The following CSTF3 variants were observed in gnomAD, a reference collection of about 807,000 sequenced individuals.
CSTF3 encodes CF-1 77 kDa subunit.
In CSTF3, 29 loss-of-function variants were observed where a neutral mutation model predicts 105.8. The observed-to-expected ratio is 0.27, with a 90% CI of 0.20 to 0.37. The LOEUF (loss-of-function observed/expected upper bound fraction) is 0.37, where lower values mean the gene tolerates loss of function less well. CSTF3 is among the 10% of genes least tolerant of loss of function. The pLI, the probability that CSTF3 is intolerant of heterozygous loss-of-function variation, is 1.00. For synonymous variants in CSTF3, 252 were observed against 281.9 expected, an observed-to-expected ratio of 0.89 and a Z score of 1.06; for missense variants, 357 against 879.3, an observed-to-expected ratio of 0.41 and a Z score of 7.51.
At chr11:33,090,511 A>AT in intron 17 of CSTF3, 21 bp downstream of exon 17, 1 of 1,437,766 alleles carries the variant, frequency 7.0e-7, no homozygotes, top group Non-Finnish European at 9.2e-7. Flanking sequence ...GACACTCCAC[A>AT]TCTTGATCCT....
At chr11:33,153,340 G>C (rs1221701517) in intron 1 of CSTF3, among the ~76,000 whole-genome samples, 1 of 152,150 alleles carries the variant, frequency 6.6e-6, no homozygotes, top group Non-Finnish European at 1.5e-5. Context: ...GTAGCCTCTG[G>C]AAAGCCCTAT....
In CSTF3 at chr11:33,099,235, TTTTA is replaced by T. The variant is rs1232820130; in HGVS notation, c.937-89_937-86del. ...AATTAATAAAGTTACATCTACTTTA[TTTTA>T]TTTATGTGTCTAAGAAAGCATACAT... is the stretch of plus-strand genomic sequence containing the variant. On this transcript the variant is annotated intron_variant, in intron 11 of 20. Transcript: ENST00000323959. The surrounding 1 kb of genome is among the most constrained non-coding windows in gnomAD (Gnocchi z 4.1). 1.3e-4 allele frequency: 195 copies of T among 1,476,534 alleles called. No homozygotes were observed. Among genetic ancestry groups the T allele is most frequent in the Non-Finnish European group, 1.2e-4 (128 of 1,100,324 alleles). The allele number at this position is 1,476,534 out of a possible 1,614,324, so 91.5% of individuals were successfully genotyped here.
intron 3 of CSTF3, among the ~76,000 whole-genome samples, chr11:33,110,067 AGTT>A (rs1855364720): frequency 6.6e-6 from 1 of 152,106 alleles, no homozygotes; most frequent in Non-Finnish European, 1.5e-5. Flanking sequence ...ACTTTGTTCC[AGTT>A]GTATTTCTCC....
At chr11:33,135,228 C>T (rs1358847439) in intron 3 of CSTF3, among the ~76,000 whole-genome samples, 3 of 152,126 alleles carry the variant, frequency 2.0e-5, no homozygotes, top group African/African-American at 7.2e-5. Context: ...CTAACCCTGA[C>T]CCTGACTGTG....
intron 1 of CSTF3, among the ~76,000 whole-genome samples, chr11:33,148,706 A>C (rs1356519848): frequency 2.6e-5 from 4 of 151,816 alleles, no homozygotes; most frequent in Middle Eastern, 3.2e-3. Context: ...AAAAAAAAAA[A>C]AACTATGCTC....
chr11:33,158,695 T>C (rs760098439), intron 1 of CSTF3, among the ~76,000 whole-genome samples: 1 of 152,160 alleles, frequency 6.6e-6, no homozygotes, highest in South Asian at 2.1e-4. Context: ...TGTAATGATA[T>C]AATGTTAAGT....
intron 3 of CSTF3, among the ~76,000 whole-genome samples, chr11:33,129,141 C>T (rs1425358376): frequency 3.9e-5 from 6 of 152,094 alleles, no homozygotes; most frequent in Admixed American, 2.0e-4. Context: ...GCCCAGGCTG[C>T]AGTGCAGTGG....
Position 33,128,253 on chromosome 11 carries a change from CT to C in CSTF3, c.225+13413del. On this transcript the variant is annotated intron_variant, in intron 3 of 20. Coordinates refer to ENST00000323959, the MANE Select transcript of CSTF3 (RefSeq NM_001326.3). The stretch of plus-strand genomic sequence containing the variant: ...AAAAAGTGAAAACTCTGGCCAATTA[CT>C]GTCATATTTTCCTCAATCGCTATGA... Among the ~76,000 whole-genome samples, 2 of 152,098 alleles carry C rather than the reference CT, an allele frequency of 1.3e-5. 1 individual carries two copies. The highest frequency in any genetic ancestry group is 2.9e-5 in the Non-Finnish European group (2 of 68,016).
At chr11:33,140,606 T>C (rs756773842) in intron 3 of CSTF3, among the ~76,000 whole-genome samples, 1 of 152,058 alleles carries the variant, frequency 6.6e-6, no homozygotes, top group Admixed American at 6.6e-5. Flanking sequence ...CAGATGACAC[T>C]GTGTTGTGCT....
At chr11:33,112,092 A>G (rs894863836) in intron 3 of CSTF3, among the ~76,000 whole-genome samples, 9 of 152,160 alleles carry the variant, frequency 5.9e-5, no homozygotes, top group African/African-American at 2.2e-4. Context: ...CGTCTCTACT[A>G]AAAATACAAA....
chr11:33,108,752 A>C (rs1161056017), intron 3 of CSTF3, among the ~76,000 whole-genome samples: 1 of 152,188 alleles, frequency 6.6e-6, no homozygotes, highest in East Asian at 1.9e-4. Flanking sequence ...AGAAAAACTT[A>C]AGGCTTTCCT....
At chr11:33,116,379 A>G (rs535453978) in intron 3 of CSTF3, among the ~76,000 whole-genome samples, 1 of 152,308 alleles carries the variant, frequency 6.6e-6, no homozygotes, top group African/African-American at 2.4e-5. Flanking sequence ...TATTTTGTGT[A>G]TGCTCTATGT....
chr11:33,118,701 C>T (rs892922652), intron 3 of CSTF3, among the ~76,000 whole-genome samples: 3 of 151,160 alleles, frequency 2.0e-5, no homozygotes, highest in Non-Finnish European at 4.4e-5. Context: ...TTGAGACGCT[C>T]CAGCTATCAG....
chr11:33,114,811 A>G (rs945689381), intron 3 of CSTF3, among the ~76,000 whole-genome samples: 11 of 152,112 alleles, frequency 7.2e-5, no homozygotes, highest in African/African-American at 2.7e-4. Context: ...AGACTGCACC[A>G]TTGCACTCCA....
chr11:33,086,275 T>C (rs7483391), intron 18 of CSTF3, among the ~76,000 whole-genome samples: 1 of 152,192 alleles, frequency 6.6e-6, no homozygotes, highest in African/African-American at 2.4e-5. Context: ...GTCATTTGTT[T>C]AGCAATCCTG....
chr11:33,148,006 T>C (rs900363826), intron 1 of CSTF3, among the ~76,000 whole-genome samples: 2 of 152,208 alleles, frequency 1.3e-5, no homozygotes, highest in Admixed American at 6.5e-5. Context: ...TTACTCTTGA[T>C]ACAAGGTCAA....
At chr11:33,094,760 T>C (rs774402167) in intron 15 of CSTF3, among the ~76,000 whole-genome samples, 2 of 152,158 alleles carry the variant, frequency 1.3e-5, no homozygotes, top group Non-Finnish European at 2.9e-5. Context: ...TGGAATGCTC[T>C]ATTTTTCTGA....
chr11:33,150,034 AAAC>A (rs113266998), intron 1 of CSTF3, among the ~76,000 whole-genome samples: 124 of 148,402 alleles, frequency 8.4e-4, no homozygotes, highest in African/African-American at 1.9e-3. Context: ...CAAAACAAAC[AAAC>A]AACAACAACA....
intron 1 of CSTF3, among the ~76,000 whole-genome samples, chr11:33,152,328 T>A (rs527901242): frequency 1.3e-5 from 2 of 152,306 alleles, no homozygotes; most frequent in East Asian, 3.9e-4. Context: ...ATAGTTTTGC[T>A]ATGTTGCTCA....
Sources: gnomAD v4.1 joint callset for allele counts (sites outside exome capture counted in the v4.1 genomes callset) on GRCh38, gnomAD v4.1.1 for gene constraint, Gnocchi (gnomAD v3.1) non-coding constraint, MANE v1.5 for transcripts, NCBI Gene and HGNC (gene_info 2026-07-23, HGNC 2026-07-21) for gene names.